PGAP1: variants seen among roughly 807,000 people sequenced by gnomAD.
PGAP1 encodes the protein post-GPI attachment to proteins inositol deacylase 1.
In PGAP1, 76 loss-of-function variants were observed where a neutral mutation model predicts 127.0. The observed-to-expected ratio is 0.60, with a 90% confidence interval of 0.50 to 0.72. The LOEUF (loss-of-function observed/expected upper bound fraction) is 0.72, where lower values mean the gene tolerates loss of function less well. PGAP1 is among the 30% of genes least tolerant of loss of function. The probability of loss-of-function intolerance (pLI) is 0.00; values close to 1 mark genes in which losing one functional copy is unlikely to be tolerated. For missense variants in PGAP1, 982 were observed against 1,071.3 expected (o/e 0.92, Z 1.16); for synonymous variants, 362 against 366.5 (o/e 0.99, Z 0.14).
chr2:196,853,218 G>GTTATC (rs1279330950), intron 20 of PGAP1, among the ~76,000 whole-genome samples: 1 of 152,144 alleles, frequency 6.6e-6, no homozygotes, highest in Non-Finnish European at 1.5e-5. Context: ...AGGCCTCAGG[G>GTTATC]GATAACCTCT....
intron 10 of PGAP1, among the ~76,000 whole-genome samples, chr2:196,889,967 T>C (rs1323076347): frequency 6.6e-6 from 1 of 151,988 alleles, no homozygotes; most frequent in African/African-American, 2.4e-5. Context: ...AGGGCCTCAC[T>C]TCGTCACCCA....
intron 12 of PGAP1, among the ~76,000 whole-genome samples, chr2:196,882,061 G>C (rs1176259305): frequency 2.0e-5 from 3 of 152,154 alleles, no homozygotes; most frequent in African/African-American, 4.8e-5. Context: ...TCAACCTTCT[G>C]CATAAGGCTA....
intron 1 of PGAP1, chr2:196,922,577 GACACACACACACACACAC>G (rs59881211): frequency 7.7e-6 from 3 of 387,214 alleles, no homozygotes; most frequent in African/African-American, 7.5e-5. Context: ...CACACACACA[GACACACACACACACACAC>G]ACACACACAC....
intron 20 of PGAP1, among the ~76,000 whole-genome samples, chr2:196,859,031 A>G (rs1700980005): frequency 6.6e-6 from 1 of 152,152 alleles, no homozygotes; most frequent in Non-Finnish European, 1.5e-5. Context: ...GAACAGACCA[A>G]TAACAAATAA....
rs1001453234 is a variant in PGAP1, at chr2:196,890,930, C to A, written c.1090-19G>T. On this transcript the variant is annotated intron_variant, in intron 9 of 26. Transcript: ENST00000354764. Reference sequence around the variant, plus strand: ...CAGATTCCTACAAAAAGAAGGAAAACACTCAATATAGCTGTAATGAGCAGA... The same window carrying A: ...CAGATTCCTACAAAAAGAAGGAAAAAACTCAATATAGCTGTAATGAGCAGA... 2 of 1,257,668 alleles carry A rather than the reference C, an allele frequency of 1.6e-6. No individual in the cohort carries two copies. The highest frequency in any genetic ancestry group is 3.0e-5 in the African/African-American group (2 of 67,718). 77.9% of individuals were successfully genotyped at this position (1,257,668 alleles called of 1,614,324 possible).
intron 20 of PGAP1, among the ~76,000 whole-genome samples, chr2:196,851,268 C>G (rs1233078752): frequency 6.6e-6 from 1 of 152,064 alleles, no homozygotes; most frequent in Non-Finnish European, 1.5e-5. Flanking sequence ...TCACAGAAGA[C>G]TCTGCAAAAA....
intron 4 of PGAP1, 30 bp downstream of exon 4, chr2:196,912,852 G>A: frequency 6.6e-7 from 1 of 1,524,896 alleles, no homozygotes; most frequent in Non-Finnish European, 8.9e-7. Flanking sequence ...ATAACAATGG[G>A]GAGGTTAATG....
chr2:196,921,830 G>A (rs1358778262), intron 1 of PGAP1, among the ~76,000 whole-genome samples: 1 of 152,018 alleles, frequency 6.6e-6, no homozygotes, highest in Non-Finnish European at 1.5e-5. Flanking sequence ...AATAAGAGAG[G>A]AGGCAAGAAT....
Position 196,835,893 on chromosome 2 carries a change from T to C in PGAP1, c.*5341A>G, listed in dbSNP as rs1180397868. The C allele has an allele frequency of 6.6e-6, 1 of 152,180 alleles. No individual in the cohort carries two copies. Among genetic ancestry groups the C allele is most frequent in the African/African-American group, 2.4e-5 (1 of 41,448 alleles). 9.4% of individuals were successfully genotyped at this position (152,180 alleles called of 1,614,324 possible). ...CACGAAATACAAAATATGCCTATCA[T>C]GTAGGCTTTTGAACAGTTAATAGCT... On this transcript the variant is annotated 3_prime_UTR_variant, in exon 27 of 27. Transcript: ENST00000354764.
intron 2 of PGAP1, among the ~76,000 whole-genome samples, chr2:196,918,569 A>G (rs1350835130): frequency 6.6e-6 from 1 of 152,216 alleles, no homozygotes; most frequent in Non-Finnish European, 1.5e-5. Context: ...AAGAAGCCAG[A>G]CACAAAATAA....
intron 12 of PGAP1, among the ~76,000 whole-genome samples, chr2:196,884,006 G>C (rs1371928549): frequency 6.6e-6 from 1 of 152,016 alleles, no homozygotes; most frequent in Admixed American, 6.6e-5. Context: ...CTTACATTCA[G>C]AACAAACAAC....
chr2:196,850,657 G>A (rs1700691805), intron 20 of PGAP1, among the ~76,000 whole-genome samples: 1 of 151,748 alleles, frequency 6.6e-6, no homozygotes. Flanking sequence ...AGGAGGGAAG[G>A]AGGAAGGAAC....
chr2:196,841,170 T>C lies in PGAP1; in HGVS notation c.*64A>G. 6.7e-7 allele frequency: 1 copy of C among 1,486,008 alleles called. No individual in the cohort carries two copies. Among genetic ancestry groups the C allele is most frequent in the Non-Finnish European group, 9.1e-7 (1 of 1,096,068 alleles). The allele number at this position is 1,486,008 out of a possible 1,614,324, so 92.1% of individuals were successfully genotyped here. ...CTTGCTGTCCATACTGATGGATCTG[T>C]GTGTTCCCTCTTATCACTGGCCCTA... On this transcript the variant is annotated 3_prime_UTR_variant, in exon 27 of 27. Coordinates refer to ENST00000354764, the MANE Select transcript of PGAP1 (RefSeq NM_024989.4).
At chr2:196,848,755 T>C (rs2125780093) in intron 20 of PGAP1, among the ~76,000 whole-genome samples, 1 of 152,332 alleles carries the variant, frequency 6.6e-6, no homozygotes, top group South Asian at 2.1e-4. Flanking sequence ...TGAATAATAC[T>C]CCTATGAACA....
At chr2:196,893,098 G>T in intron 8 of PGAP1, 42 bp downstream of exon 8, 2 of 1,200,098 alleles carry the variant, frequency 1.7e-6, no homozygotes, top group Non-Finnish European at 2.4e-6. Flanking sequence ...GATTAATAAT[G>T]AAATACTTCA....
intron 20 of PGAP1, among the ~76,000 whole-genome samples, chr2:196,852,833 A>C (rs1224272473): frequency 6.6e-6 from 1 of 152,182 alleles, no homozygotes; most frequent in East Asian, 1.9e-4. Context: ...TTTAAGAAAT[A>C]GGAAATACTT....
chr2:196,859,914 G>GA (rs1242983336), intron 20 of PGAP1, among the ~76,000 whole-genome samples: 5 of 150,646 alleles, frequency 3.3e-5, no homozygotes, highest in South Asian at 2.1e-4. Context: ...TACAAAATGG[G>GA]AAAAAAAAAT....
At chr2:196,887,212 G>A (rs1292062078) in intron 10 of PGAP1, among the ~76,000 whole-genome samples, 4 of 151,946 alleles carry the variant, frequency 2.6e-5, no homozygotes, top group African/African-American at 7.3e-5. Flanking sequence ...GTGAAACCCC[G>A]TCTCTGCTAA....
chr2:196,863,665 C>T (rs772880899), intron 20 of PGAP1, among the ~76,000 whole-genome samples: 5 of 152,134 alleles, frequency 3.3e-5, no homozygotes, highest in Non-Finnish European at 5.9e-5. Flanking sequence ...GCAACCTCTG[C>T]CTCCCGGATT....
Sources: gnomAD v4.1 joint callset for allele counts (sites outside exome capture counted in the v4.1 genomes callset) on GRCh38, gnomAD v4.1.1 for gene constraint, MANE v1.5 for transcripts, NCBI Gene and HGNC (gene_info 2026-07-23, HGNC 2026-07-21) for gene names.